BDP1: variants seen among roughly 807,000 people sequenced by gnomAD.
The protein encoded by BDP1 is BDP1 general transcription factor IIIB subunit.
In BDP1, 169 loss-of-function variants were observed where a neutral mutation model predicts 266.6. The ratio of observed to expected loss-of-function variants is 0.63; its 90% CI spans 0.56 to 0.72. BDP1 has a LOEUF of 0.72. Among genes scored for constraint, BDP1 ranks in the 30% least tolerant of loss-of-function variants. BDP1 has a pLI of 0.00. For synonymous variants in BDP1, 1,090 were observed against 1,022.4 expected (o/e 1.07, Z -1.26); for missense variants, 3,015 against 3,053.8 (o/e 0.99, Z 0.30).
chr5:71,512,377 AG>A lies in BDP1; in HGVS notation c.4200del (p.Ile1401PhefsTer15). On this transcript the variant is annotated frameshift_variant, in exon 18 of 39. Coordinates refer to ENST00000358731, the MANE Select transcript of BDP1 (RefSeq NM_018429.3). LOFTEE classifies it high-confidence loss of function. The part of the protein sequence containing the change: ...QTHESDKTEV[Q>X]GIQSPDVPEQ... ...CATGAATCTGATAAAACAGAAGTCC[AG>A]GGGATTCAATCTCCAGATGTTCCAG... The A allele has an allele frequency of 6.3e-7, 1 of 1,591,306 alleles. No individual in the cohort carries two copies. Among genetic ancestry groups the A allele is most frequent in the Non-Finnish European group, 8.5e-7 (1 of 1,173,934 alleles).
intron 30 of BDP1, 29 bp from the exon 31 acceptor site, chr5:71,544,328 C>CTA: frequency 6.3e-7 from 1 of 1,593,794 alleles, no homozygotes. Context: ...TTATTTTGGT[C>CTA]TATATCGTAA....
intron 24 of BDP1, among the ~76,000 whole-genome samples, chr5:71,523,547 C>G (rs974456178): frequency 3.3e-5 from 5 of 152,166 alleles, no homozygotes; most frequent in Non-Finnish European, 7.3e-5. Flanking sequence ...CTCCTGACCT[C>G]AAGTGATCTG....
At chr5:71,512,118 A>G (rs1764953131) in intron 17 of BDP1, 123 bp from the exon 18 acceptor site, 1 of 494,254 alleles carries the variant, frequency 2.0e-6, no homozygotes, top group Non-Finnish European at 3.4e-6. Flanking sequence ...ATTTTATTCA[A>G]AAATTAAAAA....
chr5:71,536,146 T>C (rs1766584680), intron 26 of BDP1, among the ~76,000 whole-genome samples: 1 of 152,160 alleles, frequency 6.6e-6, no homozygotes, highest in Admixed American at 6.5e-5. Context: ...GTATCCAGTC[T>C]TTCATCATTT....
In BDP1 at chr5:71,512,401, C is replaced by A. The variant is rs1764977944; in HGVS notation, c.4220C>A (p.Pro1407Gln). 6.4e-7 allele frequency: 1 copy of A among 1,567,412 alleles called. No homozygotes were observed. Among genetic ancestry groups the A allele is most frequent in the Non-Finnish European group, 8.6e-7 (1 of 1,165,534 alleles). The change falls in exon 18 of 39, where the codon CCA becomes CAA. Residue 1407 changes from proline to glutamine, a missense_variant. By Grantham distance (76) the Pro-to-Gln change is moderately conservative (BLOSUM62 -1). Coordinates refer to ENST00000358731, the MANE Select transcript of BDP1 (RefSeq NM_018429.3). ...EVQGIQSPDV[P>Q]EQFSDINLSK... ...CAGGGGATTCAATCTCCAGATGTTC[C>A]AGAGCAGTTTTCAGATATTAATTTA...
intron 7 of BDP1, among the ~76,000 whole-genome samples, chr5:71,475,382 T>C (rs894729576): frequency 6.6e-6 from 1 of 152,226 alleles, no homozygotes; most frequent in African/African-American, 2.4e-5. Flanking sequence ...AGTGTTGGGA[T>C]TACAGGCATG....
chr5:71,571,894 A>T (rs115144306), downstream of BDP1, among the ~76,000 whole-genome samples: 1,507 of 152,178 alleles, frequency 9.9e-3, 29 homozygotes, highest in African/African-American at 0.034. Flanking sequence ...AATGCTGGGA[A>T]TATGTTGGGA....
intron 1 of BDP1, among the ~76,000 whole-genome samples, chr5:71,456,789 T>TA (rs1414201922): frequency 2.0e-5 from 3 of 152,206 alleles, no homozygotes; most frequent in African/African-American, 7.2e-5. Context: ...CGCAAAAAGT[T>TA]ACTAGTTTTT....
chr5:71,462,232 A>G (rs1183474814), intron 3 of BDP1, among the ~76,000 whole-genome samples: 1 of 151,998 alleles, frequency 6.6e-6, no homozygotes, highest in African/African-American at 2.4e-5. Flanking sequence ...CAAAGTGCTG[A>G]GATTACAGGC....
Position 71,549,411 on chromosome 5 carries a change from C to CT in BDP1, c.6809-6dup. On this transcript the variant is annotated splice_polypyrimidine_tract_variant and intron_variant, in intron 33 of 38. Coordinates refer to ENST00000358731, the MANE Select transcript of BDP1 (RefSeq NM_018429.3). ...AGCTTTTTTATTACTAACTTTTAAA[C>CT]TTTGATAGTGAATCTAGTTGCTAAT... The CT allele has an allele frequency of 6.3e-7, 1 of 1,599,702 alleles. No individual in the cohort carries two copies. The highest frequency in any genetic ancestry group is 1.3e-5 in the African/African-American group (1 of 74,400).
intron 7 of BDP1, among the ~76,000 whole-genome samples, chr5:71,482,480 A>C (rs1361938600): frequency 1.3e-5 from 2 of 152,168 alleles, no homozygotes; most frequent in Non-Finnish European, 2.9e-5. Context: ...GATATGTAGG[A>C]CCTGTCCATA....
At position 71,525,189 on chromosome 5, in the gene BDP1, A is replaced by C. The variant is rs538639393; in HGVS notation, c.5772+866A>C. ...GGGGTGGTGGCCGGGCAGAGGGGCT[A>C]CTCACTTCCCAGCAGGGGCGGCCGG... is the stretch of plus-strand genomic sequence containing the variant. On this transcript the variant is annotated intron_variant, in intron 25 of 38. Coordinates refer to ENST00000358731, the MANE Select transcript of BDP1 (RefSeq NM_018429.3). 5.4e-4 allele frequency among the ~76,000 whole-genome samples: 80 copies of C among 149,164 alleles called. No individual in the cohort carries two copies. The South Asian group carries it at 7.5e-3, about 14-fold the overall frequency.
chr5:71,541,433 G>GTT lies in BDP1; in HGVS notation c.6023-8_6023-7dup, dbSNP rs370269048. 4.8e-3 allele frequency: 3,602 copies of GTT among 756,194 alleles called. 1 individual carries two copies. Among genetic ancestry groups the GTT allele is most frequent in the South Asian group, 7.9e-3 (231 of 29,210 alleles). The allele number at this position is 756,194 out of a possible 1,614,324, so 46.8% of individuals were successfully genotyped here. ...CTATAATTTGGTCCATTTTAATTTTGTTTTTTTTTTTTTTCTTCAGTAGGA... is the reference window on the plus strand; with the variant it reads ...CTATAATTTGGTCCATTTTAATTTTGTTTTTTTTTTTTTTTTCTTCAGTAGGA... On this transcript the variant is annotated intron_variant, in intron 28 of 38. Coordinates refer to ENST00000358731, the MANE Select transcript of BDP1 (RefSeq NM_018429.3).
chr5:71,494,756 C>G (rs1026293344), intron 11 of BDP1: 1 of 152,178 alleles, frequency 6.6e-6, no homozygotes, highest in African/African-American at 2.4e-5. Context: ...TGCTCTGTCA[C>G]CCAGTCTGGA....
chr5:71,518,751 C>T (rs951677671), intron 22 of BDP1, among the ~76,000 whole-genome samples: 1 of 152,034 alleles, frequency 6.6e-6, no homozygotes, highest in African/African-American at 2.4e-5. Context: ...CCGTGCCCGA[C>T]CTCTGTTAAT....
At chr5:71,489,805 C>A in intron 10 of BDP1, 123 bp downstream of exon 10, 1 of 763,730 alleles carries the variant, frequency 1.3e-6, no homozygotes, top group Non-Finnish European at 2.1e-6. Flanking sequence ...TGGTTCTGTA[C>A]TAATGGTACT....
chr5:71,546,067 A>T (rs1742280342), intron 32 of BDP1, among the ~76,000 whole-genome samples: 1 of 152,134 alleles, frequency 6.6e-6, no homozygotes, highest in Admixed American at 6.5e-5. Context: ...GTGATTAGAG[A>T]TGAACTTAGA....
chr5:71,475,762 T>A, intron 7 of BDP1: 1 of 155,272 alleles, frequency 6.4e-6, no homozygotes, highest in Middle Eastern at 1.0e-3. Context: ...TCCTCGCAGC[T>A]TACCTTTGCT....
At chr5:71,488,696 T>TCACGCCCAA (rs1763412140) in intron 9 of BDP1, among the ~76,000 whole-genome samples, 1 of 151,328 alleles carries the variant, frequency 6.6e-6, no homozygotes, top group Admixed American at 6.6e-5. Context: ...CCCAAAGTGC[T>TCACGCCCAA]AGGATTACAG....
Sources: gnomAD v4.1 joint callset for allele counts (sites outside exome capture counted in the v4.1 genomes callset) on GRCh38, gnomAD v4.1.1 for gene constraint, MANE v1.5 for transcripts, NCBI Gene and HGNC (gene_info 2026-07-23, HGNC 2026-07-21) for gene names.